Variants in ENTREP3 observed in about 807,000 individuals in gnomAD.
The protein encoded by ENTREP3 is protein ENTREP3.
At chr1:155,247,335 T>C in the ENTREP3 span, 1 of 467,654 alleles carries the variant, frequency 2.1e-6, no homozygotes, top group Non-Finnish European at 4.2e-6. Context: ...CCCAAGGTCA[T>C]GCAGCTAGAG....
At chr1:155,254,176 G>A in the ENTREP3 span, 8 of 1,613,728 alleles carry the variant, frequency 5.0e-6, no homozygotes, top group Admixed American at 1.7e-5. The surrounding 1 kb of genome is among the most constrained non-coding windows in gnomAD (Gnocchi z 4.4). Context: ...AGCACCGAAA[G>A]CAAGGAGAAG....
the ENTREP3 span, chr1:155,251,525 T>A: frequency 1.2e-6 from 2 of 1,613,710 alleles, no homozygotes; most frequent in African/African-American, 2.7e-5. Flanking sequence ...CGTAGTCCCA[T>A]GACTGCCTCA....
the ENTREP3 span, chr1:155,252,707 TATATATATATATATA>T: frequency 1.1e-4 from 6 of 54,148 alleles, no homozygotes; most frequent in Non-Finnish European, 2.1e-4. Context: ...TATATATATA[TATATATATATATATA>T]TTTTTTTTTT....
chr1:155,247,387 G>C, the ENTREP3 span: 2 of 497,382 alleles, frequency 4.0e-6, no homozygotes, highest in African/African-American at 1.9e-5. Flanking sequence ...TGGACTCTTC[G>C]TGCCTGCCTT....
At chr1:155,250,779 T>C in the ENTREP3 span, 1 of 1,610,472 alleles carries the variant, frequency 6.2e-7, no homozygotes, top group South Asian at 1.1e-5. The surrounding 1 kb of genome is among the most constrained non-coding windows in gnomAD (Gnocchi z 5.4). Context: ...CCCAGGGAGG[T>C]CACCAATGGC....
the ENTREP3 span, chr1:155,250,416 C>T: frequency 1.1e-4 from 43 of 377,670 alleles, no homozygotes; most frequent in South Asian, 4.7e-4. The surrounding 1 kb of genome is among the most constrained non-coding windows in gnomAD (Gnocchi z 5.4). Context: ...AGTCGGGGCT[C>T]GGGTGGGCGG....
the ENTREP3 span, chr1:155,251,483 A>G: frequency 1.3e-6 from 2 of 1,592,096 alleles, no homozygotes; most frequent in Non-Finnish European, 1.7e-6. Context: ...GCCCGCCCCA[A>G]GCCGTGCTGT....
At chr1:155,250,994 AACC>A in the ENTREP3 span, 4 of 1,322,044 alleles carry the variant, frequency 3.0e-6, no homozygotes, top group Middle Eastern at 1.9e-4. The surrounding 1 kb of genome is among the most constrained non-coding windows in gnomAD (Gnocchi z 5.4). Context: ...TATGTCCCCA[AACC>A]ACCAACTCCG....
the ENTREP3 span, chr1:155,254,707 G>A: frequency 8.1e-6 from 13 of 1,609,516 alleles, no homozygotes; most frequent in East Asian, 2.2e-5. The surrounding 1 kb of genome is among the most constrained non-coding windows in gnomAD (Gnocchi z 4.4). Flanking sequence ...TGGTGGTGAC[G>A]GAAGAGGCCA....
At chr1:155,251,613 GGAA>G in the ENTREP3 span, 7 of 1,612,324 alleles carry the variant, frequency 4.3e-6, 1 homozygote, top group Non-Finnish European at 4.2e-6. Context: ...TGGCAGATGA[GGAA>G]GAGGGTCAAT....
the ENTREP3 span, chr1:155,248,578 A>C: frequency 1.1e-6 from 1 of 874,728 alleles, no homozygotes; most frequent in Non-Finnish European, 1.9e-6. Flanking sequence ...CACAGCTCCC[A>C]CGCTCCATCC....
the ENTREP3 span, among the ~76,000 whole-genome samples, chr1:155,252,364 A>T: frequency 1.3e-5 from 2 of 150,894 alleles, no homozygotes; most frequent in African/African-American, 4.9e-5. Context: ...TGCCCAGCTA[A>T]TTATTATTAT....
chr1:155,254,618 G>T, the ENTREP3 span: 1 of 1,588,968 alleles, frequency 6.3e-7, no homozygotes, highest in Non-Finnish European at 8.6e-7. This position sits in a 1 kb window ranked among gnomAD's most constrained non-coding sequence, Gnocchi z 4.4. Flanking sequence ...GGCCCGAGGA[G>T]CCTCCCCCAC....
At chr1:155,248,160 G>C in the ENTREP3 span, 3 of 1,614,076 alleles carry the variant, frequency 1.9e-6, no homozygotes, top group East Asian at 6.7e-5. Context: ...AGGTCCCCCA[G>C]GGAGTGGGCA....
the ENTREP3 span, chr1:155,254,857 G>A: frequency 2.2e-5 from 34 of 1,576,932 alleles, no homozygotes; most frequent in East Asian, 1.4e-4. The surrounding 1 kb of genome is among the most constrained non-coding windows in gnomAD (Gnocchi z 4.4). Flanking sequence ...AGCGGCTGGA[G>A]TCACTAGGCG....
chr1:155,250,400 G>C, the ENTREP3 span: 1 of 1,473,082 alleles, frequency 6.8e-7, no homozygotes, highest in Non-Finnish European at 9.1e-7. This position sits in a 1 kb window ranked among gnomAD's most constrained non-coding sequence, Gnocchi z 5.4. Context: ...TATCGCTGAA[G>C]CGACGAGTCG....
At chr1:155,247,961 C>T in the ENTREP3 span, 52 of 1,605,656 alleles carry the variant, frequency 3.2e-5, no homozygotes, top group Non-Finnish European at 4.3e-5. Context: ...GGCACCTGGA[C>T]AGGGACACAA....
At chr1:155,249,166 C>G in the ENTREP3 span, among the ~76,000 whole-genome samples, 1 of 152,004 alleles carries the variant, frequency 6.6e-6, no homozygotes, top group Non-Finnish European at 1.5e-5. Flanking sequence ...TGGCTCACGG[C>G]AACCCCTGCT....
At chr1:155,252,705 TATATATATATATATA>T in the ENTREP3 span, 4 of 52,774 alleles carry the variant, frequency 7.6e-5, no homozygotes, top group African/African-American at 2.0e-4. Context: ...TATATATATA[TATATATATATATATA>T]TATTTTTTTT....
Sources: gnomAD v4.1 joint callset for allele counts (sites outside exome capture counted in the v4.1 genomes callset) on GRCh38, gnomAD v4.1.1 for gene constraint, Gnocchi (gnomAD v3.1) non-coding constraint, MANE v1.5 for transcripts, NCBI Gene and HGNC (gene_info 2026-07-23, HGNC 2026-07-21) for gene names.